Variants in SCN1B observed in about 807,000 individuals in gnomAD.
SCN1B encodes the protein sodium voltage-gated channel beta subunit 1.
Under a neutral mutation model 25.7 loss-of-function variants are expected in SCN1B, and 11 were observed. The observed-to-expected ratio is 0.43, with a 90% CI of 0.27 to 0.71. The LOEUF (loss-of-function observed/expected upper bound fraction) is 0.71. Ranked by LOEUF, SCN1B falls within the 30% of genes least tolerant of loss-of-function variation. The pLI is 0.21. For missense variants in SCN1B, 224 were observed against 291.5 expected (o/e 0.77, Z 1.69); for synonymous variants, 119 against 117.5 (o/e 1.01, Z -0.08).
intron 2 of SCN1B, 89 bp from the exon 3 acceptor site, chr19:35,033,410 G>A: frequency 1.9e-6 from 3 of 1,597,488 alleles, no homozygotes; most frequent in Non-Finnish European, 2.6e-6. Context: ...ATCTGTGTTT[G>A]TGGGTGTCAG....
At chr19:35,039,385 C>T in intron 4 of SCN1B, 127 bp downstream of exon 4, 1 of 1,326,816 alleles carries the variant, frequency 7.5e-7, no homozygotes, top group South Asian at 1.2e-5. Context: ...CAGTACTACC[C>T]AGAGGGGAGT....
chr19:35,032,474 C>T lies in SCN1B; in HGVS notation c.41-54C>T, dbSNP rs2064219822. 6.2e-7 allele frequency: 1 copy of T among 1,601,154 alleles called. No homozygotes were observed. Among genetic ancestry groups the T allele is most frequent in the East Asian group, 2.2e-5 (1 of 44,850 alleles). ...AACAGATGGTTTGTGAGGGGTCTGGCATTGCTTAGGGCAATGGGTGCCTCT... is the reference window on the plus strand; with the variant it reads ...AACAGATGGTTTGTGAGGGGTCTGGTATTGCTTAGGGCAATGGGTGCCTCT... On this transcript the variant is annotated intron_variant, in intron 1 of 5. Coordinates refer to ENST00000262631, the MANE Select transcript of SCN1B (RefSeq NM_001037.5). The surrounding 1 kb of genome is among the most constrained non-coding windows in gnomAD (Gnocchi z 4.3).
intron 3 of SCN1B, chr19:35,037,950 C>T (rs2151748221): frequency 6.6e-6 from 1 of 151,988 alleles, no homozygotes; most frequent in East Asian, 1.9e-4. Context: ...TAGAGCAAGA[C>T]CCTGTCTCTT....
At position 35,032,983 on chromosome 19, in the gene SCN1B, T is replaced by G. The variant is rs1164157643; in HGVS notation, c.207+289T>G. ...CACCTGGCACACGGTTGGCATGAAATAAATGTCAGTGGACTTATTTGGCAC... is the reference window on the plus strand; with the variant it reads ...CACCTGGCACACGGTTGGCATGAAAGAAATGTCAGTGGACTTATTTGGCAC... On this transcript the variant is annotated intron_variant, in intron 2 of 5. Transcript: ENST00000262631. The surrounding 1 kb of genome is among the most constrained non-coding windows in gnomAD (Gnocchi z 4.3). Among the ~76,000 whole-genome samples the G allele has an allele frequency of 6.6e-6, 1 of 152,182 alleles. No homozygotes were observed. The highest frequency in any genetic ancestry group is 2.4e-5 in the African/African-American group (1 of 41,432).
intron 3 of SCN1B, chr19:35,037,170 CG>C (rs1055834256): frequency 1.4e-4 from 22 of 152,212 alleles, no homozygotes; most frequent in Middle Eastern, 6.8e-3. Flanking sequence ...TAGGTGGAGG[CG>C]ACGGGTCATG....
In SCN1B at chr19:35,032,578, G is replaced by C. The variant is rs368129661; in HGVS notation, c.91G>C (p.Val31Leu). The change falls in exon 2 of 6, where the codon GTG (valine) becomes CTG (leucine). Residue 31 changes from valine (V) to leucine (L), a missense_variant. Coordinates refer to ENST00000262631, the MANE Select transcript of SCN1B (RefSeq NM_001037.5). The surrounding 1 kb of genome is among the most constrained non-coding windows in gnomAD (Gnocchi z 4.3). ...CVEVDSETEA[V>L]YGMTFKILCI... ...GGAGGTGGACTCGGAGACCGAGGCC[G>C]TGTATGGGATGACCTTCAAAATTCT... 6.2e-7 allele frequency: 1 copy of C among 1,614,082 alleles called. No individual in the cohort carries two copies. Among genetic ancestry groups the C allele is most frequent in the South Asian group, 1.1e-5 (1 of 91,088 alleles).
intron 4 of SCN1B, 179 bp downstream of exon 4, chr19:35,039,437 C>T (rs2064270632): frequency 3.9e-6 from 4 of 1,015,612 alleles, no homozygotes; most frequent in South Asian, 1.4e-5. Context: ...AGACCCAGCC[C>T]CTTCCTCCCT....
At chr19:35,030,883 C>T in intron 1 of SCN1B, 23 bp downstream of exon 1, 7 of 585,288 alleles carry the variant, frequency 1.2e-5, no homozygotes, top group Non-Finnish European at 1.6e-5. Flanking sequence ...GGGGCGCGCG[C>T]GGCCGGGGGG....
intron 3 of SCN1B, chr19:35,038,732 T>A: frequency 3.0e-6 from 1 of 336,656 alleles, no homozygotes; most frequent in Non-Finnish European, 5.8e-6. Context: ...TATTTAATTC[T>A]CACAGCACTC....
In SCN1B at chr19:35,039,678, A is replaced by T. The variant is rs779647023; in HGVS notation, c.634A>T (p.Thr212Ser). 1.2e-6 allele frequency: 2 copies of T among 1,614,192 alleles called. No individual in the cohort carries two copies. Among genetic ancestry groups the T allele is most frequent in the South Asian group, 2.2e-5 (2 of 91,088 alleles). ...CACCTCTGAAAGCAAAGAGAACTGC[A>T]CGGGCGTCCAGGTGGCCGAATAGCC... ...AITSESKENC[T>S]GVQVAE is the part of the protein sequence containing the mutation. The change falls in exon 5 of 6, where the codon ACG (threonine) becomes TCG (serine). Residue 212 changes from threonine (T) to serine (S), a missense_variant. Thr to Ser is a moderately conservative substitution (Grantham distance 58, BLOSUM62 1). Transcript: ENST00000262631.
intron 3 of SCN1B, chr19:35,034,425 G>A (rs2064236015): frequency 2.7e-6 from 1 of 364,420 alleles, no homozygotes; most frequent in Admixed American, 4.0e-5. Context: ...AGCAGCAAGG[G>A]CCTACAGCGC....
chr19:35,033,875 A>C lies in SCN1B; in HGVS notation c.448+136A>C, dbSNP rs1342414739. On this transcript the variant is annotated intron_variant, in intron 3 of 5. Transcript: ENST00000262631. The stretch of plus-strand genomic sequence containing the variant: ...CGCCCACAGCAGCGGGCTGAGGGGG[A>C]GGGGAGCAGCCCCTCCTGCCCACTC... The C allele has an allele frequency of 1.2e-6, 2 of 1,603,994 alleles. No homozygotes were observed. Among genetic ancestry groups the C allele is most frequent in the African/African-American group, 2.7e-5 (2 of 74,584 alleles).
intron 3 of SCN1B, chr19:35,037,329 T>C (rs1460061856): frequency 6.6e-6 from 1 of 152,198 alleles, no homozygotes; most frequent in Non-Finnish European, 1.5e-5. Context: ...GGAAAATGCC[T>C]TGAGGCACAG....
chr19:35,032,734 C>A lies in SCN1B; in HGVS notation c.207+40C>A. On this transcript the variant is annotated intron_variant, in intron 2 of 5. Transcript: ENST00000262631. This position sits in a 1 kb window ranked among gnomAD's most constrained non-coding sequence, Gnocchi z 4.3. Reference sequence around the variant, plus strand: ...GGAACGGGCATGGGAGGGCAGGGGTCCACGAGTGGGAGGCGGTGGGGCTGG... The same window carrying A: ...GGAACGGGCATGGGAGGGCAGGGGTACACGAGTGGGAGGCGGTGGGGCTGG... The A allele has an allele frequency of 6.2e-7, 1 of 1,607,156 alleles. No homozygotes were observed. Among genetic ancestry groups the A allele is most frequent in the South Asian group, 1.1e-5 (1 of 90,920 alleles).
intron 3 of SCN1B, chr19:35,034,277 C>T (rs763850487): frequency 1.0e-5 from 11 of 1,076,606 alleles, no homozygotes; most frequent in Non-Finnish European, 1.3e-5. Flanking sequence ...GAGTTCCGCA[C>T]ACCCCTCTGC....
chr19:35,032,105 A>G lies in SCN1B; in HGVS notation c.41-423A>G, dbSNP rs2064217569. Among the ~76,000 whole-genome samples the G allele has an allele frequency of 6.6e-6, 1 of 152,190 alleles. No homozygotes were observed. The highest frequency in any genetic ancestry group is 1.5e-5 in the Non-Finnish European group (1 of 68,026). ...AGCTGGTTTTACAATTTAATGGTGA[A>G]AATGACTGCCACCTTAAACTTCTAA... On this transcript the variant is annotated intron_variant, in intron 1 of 5. Transcript: ENST00000262631. The surrounding 1 kb of genome is among the most constrained non-coding windows in gnomAD (Gnocchi z 4.3).
chr19:35,035,295 T>C (rs1474403331), intron 3 of SCN1B: 1 of 151,796 alleles, frequency 6.6e-6, no homozygotes, highest in Non-Finnish European at 1.5e-5. Context: ...TAAATTTAGA[T>C]TTTTATTTTT....
At chr19:35,034,045 G>C (rs2064233182) in intron 3 of SCN1B, 1 of 1,549,418 alleles carries the variant, frequency 6.5e-7, no homozygotes, top group Non-Finnish European at 8.7e-7. Context: ...CCAAAGGGTT[G>C]TCCTGGGCTT....
chr19:35,035,031 G>A (rs1478694780), intron 3 of SCN1B: 1 of 152,264 alleles, frequency 6.6e-6, no homozygotes, highest in African/African-American at 2.4e-5. Context: ...CTGGGGGGTG[G>A]GGGTCACCCG....
Sources: gnomAD v4.1 joint callset for allele counts (sites outside exome capture counted in the v4.1 genomes callset) on GRCh38, gnomAD v4.1.1 for gene constraint, Gnocchi (gnomAD v3.1) non-coding constraint, MANE v1.5 for transcripts, NCBI Gene and HGNC (gene_info 2026-07-23, HGNC 2026-07-21) for gene names.